MLLT10: variants seen among roughly 807,000 people sequenced by gnomAD.
MLLT10 encodes the protein protein AF-10.
MLLT10 carries 30 observed loss-of-function variants against 129.1 expected under a neutral mutation model. The ratio of observed to expected loss-of-function variants is 0.23; its 90% CI spans 0.17 to 0.32. The LOEUF is 0.32. Ranked by LOEUF, MLLT10 falls within the 10% of genes least tolerant of loss-of-function variation. The probability of loss-of-function intolerance (pLI) is 1.00; values close to 1 mark genes in which losing one functional copy is unlikely to be tolerated. For synonymous variants in MLLT10, 490 were observed against 446.4 expected, an observed-to-expected ratio of 1.10 and a Z score of -1.23; for missense variants, 1,119 against 1,268.3, an observed-to-expected ratio of 0.88 and a Z score of 1.79.
chr10:21,669,390 C>T (rs1001236293), intron 9 of MLLT10, among the ~76,000 whole-genome samples: 3 of 152,070 alleles, frequency 2.0e-5, no homozygotes, highest in Admixed American at 6.5e-5. Context: ...GTCATGTTCT[C>T]GTTTTTCATA....
intron 17 of MLLT10, among the ~76,000 whole-genome samples, chr10:21,732,625 C>T (rs1456848629): frequency 6.6e-6 from 1 of 151,954 alleles, no homozygotes; most frequent in Non-Finnish European, 1.5e-5. Context: ...TGGAAAATTA[C>T]CTGAAGCTGG....
intron 3 of MLLT10, among the ~76,000 whole-genome samples, chr10:21,545,468 T>G (rs1471794184): frequency 1.3e-5 from 2 of 152,070 alleles, no homozygotes; most frequent in East Asian, 1.9e-4. Flanking sequence ...CTGGTTTGGG[T>G]AGAACCCTGG....
chr10:21,740,211 G>GAGAT lies in MLLT10; in HGVS notation c.3139_3142dup (p.Asn1048ArgfsTer2). 1 of 1,614,108 alleles carries GAGAT rather than the reference G, an allele frequency of 6.2e-7. No individual in the cohort carries two copies. The highest frequency in any genetic ancestry group is 8.5e-7 in the Non-Finnish European group (1 of 1,180,020). ...ACCAACCCATTTCTCACCATCCATG[G>GAGAT]AGATAATGCAAGTCAGAAAGTAGCA... On this transcript the variant is annotated frameshift_variant, in exon 22 of 23. Coordinates refer to ENST00000307729, the MANE Select transcript of MLLT10 (RefSeq NM_001195626.3). LOFTEE classifies it high-confidence loss of function.
intron 7 of MLLT10, among the ~76,000 whole-genome samples, chr10:21,615,830 A>C (rs1039847470): frequency 6.6e-6 from 1 of 152,154 alleles, no homozygotes; most frequent in Admixed American, 6.5e-5. Context: ...GTAACATTTG[A>C]TTGGGTGTTA....
At chr10:21,626,009 C>T in intron 8 of MLLT10, 3 of 1,117,754 alleles carry the variant, frequency 2.7e-6, no homozygotes, top group South Asian at 2.5e-5. Context: ...ACCATACTTC[C>T]TCTGTCCTGT....
rs115004823 is a variant in MLLT10 at position 21,737,075 on chromosome 10, T to C, written c.2955+1840T>C. 9.1e-3 allele frequency among the ~76,000 whole-genome samples: 1,390 copies of C among 152,224 alleles called. 17 individuals carry two copies. The highest frequency in any genetic ancestry group is 0.031 in the African/African-American group (1,306 of 41,526). ...GCTTCTGTGGTAGGGTAAGAAAGAA[T>C]TGACCAACCGGGCGTGCTGGTGCAT... On this transcript the variant is annotated intron_variant, in intron 21 of 22. Transcript: ENST00000307729.
intron 9 of MLLT10, among the ~76,000 whole-genome samples, chr10:21,656,497 C>A (rs1045286586): frequency 6.6e-6 from 1 of 152,068 alleles, no homozygotes; most frequent in Non-Finnish European, 1.5e-5. Context: ...ACAGTTTTAA[C>A]CTTAGTTTAC....
intron 3 of MLLT10, among the ~76,000 whole-genome samples, chr10:21,543,908 G>T (rs928324165): frequency 2.0e-5 from 3 of 152,208 alleles, no homozygotes; most frequent in African/African-American, 7.2e-5. Context: ...AAAGGGAATT[G>T]AATTAGTCTT....
At chr10:21,540,478 C>G (rs2034948683) in intron 3 of MLLT10, among the ~76,000 whole-genome samples, 1 of 151,908 alleles carries the variant, frequency 6.6e-6, no homozygotes, top group Non-Finnish European at 1.5e-5. Flanking sequence ...ATTGCTTGAA[C>G]CTGGGAGGTT....
chr10:21,582,921 C>CA (rs2041624566), intron 3 of MLLT10, among the ~76,000 whole-genome samples: 1 of 152,174 alleles, frequency 6.6e-6, no homozygotes, highest in African/African-American at 2.4e-5. Flanking sequence ...GTAATCCTAG[C>CA]ACTTTAGGAG....
chr10:21,706,940 C>A (rs372000781), intron 13 of MLLT10, among the ~76,000 whole-genome samples: 1 of 152,094 alleles, frequency 6.6e-6, no homozygotes. Context: ...TTCAGTGACA[C>A]CACAGTCATG....
intron 5 of MLLT10, among the ~76,000 whole-genome samples, chr10:21,601,780 T>C (rs2043555095): frequency 6.6e-6 from 1 of 152,196 alleles, no homozygotes; most frequent in Admixed American, 6.5e-5. Flanking sequence ...CCTCAAGTTA[T>C]TCTTCGACCT....
At chr10:21,640,017 G>A (rs935075590) in intron 8 of MLLT10, among the ~76,000 whole-genome samples, 1 of 151,658 alleles carries the variant, frequency 6.6e-6, no homozygotes, top group Non-Finnish European at 1.5e-5. Flanking sequence ...CTCTGCCGCT[G>A]TTCTGAAGCT....
At chr10:21,631,800 C>T (rs2047038433) in intron 8 of MLLT10, among the ~76,000 whole-genome samples, 1 of 152,042 alleles carries the variant, frequency 6.6e-6, no homozygotes, top group Admixed American at 6.5e-5. Flanking sequence ...GTTCCCCCCC[C>T]AACACTTGCA....
chr10:21,704,353 C>CTA (rs1405531189), intron 13 of MLLT10, among the ~76,000 whole-genome samples: 6 of 64,518 alleles, frequency 9.3e-5, no homozygotes, highest in African/African-American at 1.0e-4. Flanking sequence ...CTCTCTCTCT[C>CTA]TCTCTATATA....
chr10:21,560,010 CT>C (rs1188385867), intron 3 of MLLT10, among the ~76,000 whole-genome samples: 2 of 150,616 alleles, frequency 1.3e-5, no homozygotes, highest in African/African-American at 4.9e-5. Flanking sequence ...TTCCGTTTGG[CT>C]TTTTTTTTCC....
Position 21,683,071 on chromosome 10 carries a change from G to T in MLLT10, c.1699+814G>T, listed in dbSNP as rs1323396823. 3.9e-5 allele frequency among the ~76,000 whole-genome samples: 6 copies of T among 152,118 alleles called. No homozygotes were observed. The South Asian group carries it at 1.2e-3, about 32-fold the overall frequency. ...AACTTCATGAAATCTTGCATATTTT[G>T]CTAATGTATTTTAATTTGCAGTCGA... On this transcript the variant is annotated intron_variant, in intron 13 of 22. Transcript: ENST00000307729.
chr10:21,590,765 C>A (rs1437694987), intron 4 of MLLT10, among the ~76,000 whole-genome samples: 1 of 151,968 alleles, frequency 6.6e-6, no homozygotes, highest in Non-Finnish European at 1.5e-5. Flanking sequence ...TTTTTTTGAC[C>A]AGTCCAAATA....
At chr10:21,565,362 C>T (rs1278390748) in intron 3 of MLLT10, among the ~76,000 whole-genome samples, 2 of 152,080 alleles carry the variant, frequency 1.3e-5, no homozygotes, top group Non-Finnish European at 2.9e-5. Flanking sequence ...GGCTGGAGTG[C>T]AGTGGTGTCA....
Sources: gnomAD v4.1 joint callset for allele counts (sites outside exome capture counted in the v4.1 genomes callset) on GRCh38, gnomAD v4.1.1 for gene constraint, MANE v1.5 for transcripts, NCBI Gene and HGNC (gene_info 2026-07-23, HGNC 2026-07-21) for gene names.